The following TBC1D22A variants were observed in gnomAD, a reference collection of about 807,000 sequenced individuals.
TBC1D22A encodes the protein TBC1 domain family member 22A.
TBC1D22A carries 38 observed loss-of-function variants against 60.2 expected under a neutral mutation model. That is an observed-to-expected ratio of 0.63 (90% CI 0.49 to 0.83). The LOEUF is 0.83. Among genes scored for constraint, TBC1D22A ranks in the 40% least tolerant of loss-of-function variants. The pLI is 0.00. For missense variants in TBC1D22A, 628 were observed against 701.0 expected (o/e 0.90, Z 1.18); for synonymous variants, 302 against 281.7 (o/e 1.07, Z -0.72).
At chr22:46,959,215 G>T (rs540051345) in intron 8 of TBC1D22A, among the ~76,000 whole-genome samples, 1 of 152,180 alleles carries the variant, frequency 6.6e-6, no homozygotes, top group Admixed American at 6.5e-5. Context: ...CCTAAACTAC[G>T]TGACTGATGG....
At chr22:47,125,797 A>G (rs1377067457) in intron 12 of TBC1D22A, among the ~76,000 whole-genome samples, 1 of 151,996 alleles carries the variant, frequency 6.6e-6, no homozygotes, top group Non-Finnish European at 1.5e-5. Context: ...GTGGAGAGGG[A>G]CCCGCATGCG....
At chr22:46,804,647 T>A (rs956318598) in intron 4 of TBC1D22A, among the ~76,000 whole-genome samples, 1 of 152,248 alleles carries the variant, frequency 6.6e-6, no homozygotes, top group Admixed American at 6.5e-5. Context: ...ACATGTGATG[T>A]CACTTGGCTT....
chr22:47,138,739 C>T (rs759759361), intron 12 of TBC1D22A, among the ~76,000 whole-genome samples: 2 of 152,140 alleles, frequency 1.3e-5, no homozygotes, highest in Non-Finnish European at 2.9e-5. Context: ...GATCTAGGGG[C>T]GGGGAGGCCA....
chr22:46,864,986 C>T (rs2147381595), intron 4 of TBC1D22A, among the ~76,000 whole-genome samples: 1 of 152,336 alleles, frequency 6.6e-6, no homozygotes, highest in East Asian at 1.9e-4. Flanking sequence ...ACTTTCATCT[C>T]CCAAGTCACC....
intron 4 of TBC1D22A, among the ~76,000 whole-genome samples, chr22:46,815,617 A>G (rs1280018877): frequency 1.3e-5 from 2 of 152,160 alleles, no homozygotes; most frequent in Non-Finnish European, 2.9e-5. Context: ...TCATTTGCTC[A>G]TTGATTTGTT....
chr22:46,905,274 G>C (rs1192180087), intron 7 of TBC1D22A, among the ~76,000 whole-genome samples: 1 of 152,216 alleles, frequency 6.6e-6, no homozygotes, highest in African/African-American at 2.4e-5. Context: ...AAAGGAATGA[G>C]GCAGTGAAAA....
At chr22:47,125,212 C>G (rs758611342) in intron 12 of TBC1D22A, among the ~76,000 whole-genome samples, 53 of 152,284 alleles carry the variant, frequency 3.5e-4, no homozygotes, top group Non-Finnish European at 5.6e-4. Context: ...AATGCACCCC[C>G]CTGGGTTCCT....
chr22:47,127,026 G>T (rs919882883), intron 12 of TBC1D22A, among the ~76,000 whole-genome samples: 1 of 152,112 alleles, frequency 6.6e-6, no homozygotes, highest in Non-Finnish European at 1.5e-5. Flanking sequence ...ACATACACAC[G>T]TGTGCGTGCA....
chr22:47,001,045 A>G (rs753544086), intron 10 of TBC1D22A, among the ~76,000 whole-genome samples: 3 of 152,112 alleles, frequency 2.0e-5, no homozygotes, highest in Non-Finnish European at 4.4e-5. Flanking sequence ...TAGTGCCTGC[A>G]TCCAACCCGA....
intron 8 of TBC1D22A, among the ~76,000 whole-genome samples, chr22:46,917,133 A>G (rs2070422349): frequency 6.6e-6 from 1 of 152,226 alleles, no homozygotes; most frequent in African/African-American, 2.4e-5. Context: ...CTCAGCTAGG[A>G]ACAGGCGGAA....
At chr22:47,155,239 CAAGGACAGTATA>C (rs1046188616) in intron 12 of TBC1D22A, among the ~76,000 whole-genome samples, 2 of 151,858 alleles carry the variant, frequency 1.3e-5, no homozygotes, top group African/African-American at 4.9e-5. Context: ...AAATGAATTA[CAAGGACAGTATA>C]CATCGCTGTG....
intron 10 of TBC1D22A, among the ~76,000 whole-genome samples, chr22:47,008,054 G>C (rs1356449568): frequency 6.6e-6 from 1 of 152,184 alleles, no homozygotes; most frequent in Non-Finnish European, 1.5e-5. Flanking sequence ...TCAAAATAAT[G>C]CCATGAGGGA....
At chr22:47,025,081 T>G (rs564669262) in intron 10 of TBC1D22A, among the ~76,000 whole-genome samples, 1 of 152,324 alleles carries the variant, frequency 6.6e-6, no homozygotes, top group Admixed American at 6.5e-5. Context: ...TTTAAGTGTT[T>G]ATGCGTCCAA....
At chr22:47,078,367 G>A (rs1366230754) in intron 11 of TBC1D22A, among the ~76,000 whole-genome samples, 1 of 152,200 alleles carries the variant, frequency 6.6e-6, no homozygotes, top group Non-Finnish European at 1.5e-5. Context: ...TAGAAAAAGG[G>A]TGAGAATTGC....
intron 1 of TBC1D22A, among the ~76,000 whole-genome samples, chr22:46,772,898 G>C (rs1339392550): frequency 6.6e-6 from 1 of 152,112 alleles, no homozygotes; most frequent in Non-Finnish European, 1.5e-5. Context: ...AAAGTGCAGG[G>C]ATTGCAGGCA....
At chr22:46,928,139 A>ACC (rs1182246816) in intron 8 of TBC1D22A, among the ~76,000 whole-genome samples, 1 of 150,702 alleles carries the variant, frequency 6.6e-6, no homozygotes, top group Non-Finnish European at 1.5e-5. Flanking sequence ...AAAAAAAAAA[A>ACC]AACAAAGATT....
intron 4 of TBC1D22A, among the ~76,000 whole-genome samples, chr22:46,856,829 ATAAT>A (rs1186249896): frequency 6.6e-6 from 1 of 152,262 alleles, no homozygotes; most frequent in East Asian, 1.9e-4. Context: ...TGATGTATAA[ATAAT>A]GCTGTGATGA....
chr22:46,783,523 G>C (rs570114178), intron 1 of TBC1D22A, among the ~76,000 whole-genome samples: 2 of 152,326 alleles, frequency 1.3e-5, no homozygotes, highest in South Asian at 4.1e-4. Context: ...TGGGGTCTTT[G>C]CCTGAACTCA....
At chr22:46,800,986 G>A (rs899007125) in intron 4 of TBC1D22A, among the ~76,000 whole-genome samples, 16 of 152,200 alleles carry the variant, frequency 1.1e-4, no homozygotes, top group Non-Finnish European at 2.1e-4. Context: ...GGAGGACTTT[G>A]TAATTGAACC....
Sources: allele counts gnomAD v4.1 joint callset (sites outside exome capture counted in the v4.1 genomes callset), GRCh38; gene constraint gnomAD v4.1.1; transcripts MANE v1.5; gene names NCBI Gene and HGNC (gene_info 2026-07-23, HGNC 2026-07-21).